RHOBTB3: variants seen among roughly 807,000 people sequenced by gnomAD.
RHOBTB3 encodes rho-related BTB domain-containing protein 3.
A neutral mutation model predicts 67.2 loss-of-function variants in RHOBTB3; 47 were observed. The observed-to-expected ratio is 0.70, with a 90% CI of 0.55 to 0.89. The LOEUF is 0.89. Among genes scored for constraint, RHOBTB3 ranks in the 40% least tolerant of loss-of-function variants. The pLI, the probability that RHOBTB3 is intolerant of heterozygous loss-of-function variation, is 0.00. For synonymous variants in RHOBTB3, 273 were observed against 274.2 expected (o/e 1.00, Z 0.04); for missense variants, 631 against 750.0 (o/e 0.84, Z 1.85).
In RHOBTB3 at chr5:95,795,899, G is replaced by A. The variant is rs1746549812; in HGVS notation, c.*2725G>A. 1 of 152,184 alleles carries A rather than the reference G, an allele frequency of 6.6e-6. No homozygotes were observed. Among genetic ancestry groups the A allele is most frequent in the Non-Finnish European group, 1.5e-5 (1 of 68,032 alleles). The allele number at this position is 152,184 out of a possible 1,614,324, so 9.4% of individuals were successfully genotyped here. A position where few individuals can be genotyped will look rare whatever the true frequency, so the allele number is the denominator to read the frequency against. On this transcript the variant is annotated 3_prime_UTR_variant, in exon 12 of 12. Transcript: ENST00000379982. ...ATATATTTCCCAGTCATTTTAATTA[G>A]AGAAGATACTCTATGGTAGAACTAA...
upstream of RHOBTB3, among the ~76,000 whole-genome samples, chr5:95,728,324 A>G (rs961856425): frequency 3.3e-5 from 5 of 152,196 alleles, no homozygotes; most frequent in African/African-American, 1.2e-4. Context: ...TGTTCCTAAG[A>G]CAAGCCATGA....
chr5:95,722,236 A>C (rs1051456840), intron 1 of RHOBTB3, among the ~76,000 whole-genome samples: 2 of 152,218 alleles, frequency 1.3e-5, no homozygotes, highest in Admixed American at 6.5e-5. Context: ...GAAGGCTTTT[A>C]GTACAGTTAA....
chr5:95,759,247 C>T (rs1466779294), intron 6 of RHOBTB3, among the ~76,000 whole-genome samples: 4 of 152,240 alleles, frequency 2.6e-5, no homozygotes, highest in Middle Eastern at 3.2e-3. Context: ...CGGCCAAAGC[C>T]GGAGGTGCTG....
At chr5:95,781,059 AC>A (rs1746032836) in intron 9 of RHOBTB3, among the ~76,000 whole-genome samples, 1 of 152,150 alleles carries the variant, frequency 6.6e-6, no homozygotes, top group Non-Finnish European at 1.5e-5. Context: ...CAGGAACCAA[AC>A]ATCTGTGACA....
chr5:95,750,599 T>C (rs34897), intron 4 of RHOBTB3, among the ~76,000 whole-genome samples: 61,293 of 152,166 alleles, frequency 0.4, 13,001 homozygotes, highest in East Asian at 0.72. Flanking sequence ...GCTAGGACTA[T>C]GCTCCCAAAT....
At chr5:95,725,808 C>CTT (rs201325391) in intron 1 of RHOBTB3, among the ~76,000 whole-genome samples, 24 of 139,830 alleles carry the variant, frequency 1.7e-4, no homozygotes, top group Admixed American at 8.5e-4. Flanking sequence ...TGGAATTCTT[C>CTT]TTTTTTTTTT....
At chr5:95,727,379 C>T (rs578117505), upstream of RHOBTB3, among the ~76,000 whole-genome samples, 1 of 152,296 alleles carries the variant, frequency 6.6e-6, no homozygotes, top group South Asian at 2.1e-4. Context: ...GGAACCAACA[C>T]GTTTTTCAAA....
intron 5 of RHOBTB3, 61 bp downstream of exon 5, chr5:95,752,411 A>T: frequency 9.3e-7 from 1 of 1,080,302 alleles, no homozygotes; most frequent in Non-Finnish European, 1.4e-6. Context: ...CCTTTCTCAC[A>T]GGTCTTAGAG....
intron 3 of RHOBTB3, among the ~76,000 whole-genome samples, chr5:95,745,315 A>G (rs1460353636): frequency 6.6e-6 from 1 of 152,226 alleles, no homozygotes; most frequent in East Asian, 1.9e-4. Context: ...CACATTTTTG[A>G]CAACTTTGAC....
At chr5:95,788,939 A>G (rs918881228) in intron 11 of RHOBTB3, 81 bp downstream of exon 11, 3 of 841,318 alleles carry the variant, frequency 3.6e-6, no homozygotes, top group Non-Finnish European at 5.5e-6. Context: ...TAGAAGTAGT[A>G]CTTTTAGCAA....
In RHOBTB3 at chr5:95,754,564, C is replaced by T. The variant is rs73777811; in HGVS notation, c.683-832C>T. Reference sequence around the variant, plus strand: ...TGCATACCCTTCAAACAACCCTTCACAAATGTCACTTTCCTCAGCTCCTCT... The same window carrying T: ...TGCATACCCTTCAAACAACCCTTCATAAATGTCACTTTCCTCAGCTCCTCT... On this transcript the variant is annotated intron_variant, in intron 5 of 11. Coordinates refer to ENST00000379982, the MANE Select transcript of RHOBTB3 (RefSeq NM_014899.4). Among the ~76,000 whole-genome samples, 577 of 152,274 alleles carry T rather than the reference C, an allele frequency of 3.8e-3. 4 individuals are homozygous for T. Among genetic ancestry groups the T allele is most frequent in the African/African-American group, 0.013 (526 of 41,548 alleles).
chr5:95,719,870 G>A (rs1754813096), intron 1 of RHOBTB3: 1 of 152,184 alleles, frequency 6.6e-6, no homozygotes, highest in Non-Finnish European at 1.5e-5. Flanking sequence ...TGATAACTCG[G>A]TGTTGGTATA....
intron 1 of RHOBTB3, among the ~76,000 whole-genome samples, chr5:95,721,047 C>G (rs185579850): frequency 6.6e-6 from 1 of 152,102 alleles, no homozygotes. Flanking sequence ...TAATTTTACC[C>G]GGTGGTAATT....
At chr5:95,749,925 T>C (rs1745040306) in intron 4 of RHOBTB3, among the ~76,000 whole-genome samples, 1 of 152,208 alleles carries the variant, frequency 6.6e-6, no homozygotes, top group Non-Finnish European at 1.5e-5. Flanking sequence ...TTTTTTCTCT[T>C]TCTTCCTAAT....
chr5:95,724,609 G>C (rs1014607113), intron 1 of RHOBTB3, among the ~76,000 whole-genome samples: 1 of 152,262 alleles, frequency 6.6e-6, no homozygotes, highest in Admixed American at 6.5e-5. Context: ...GGGATTACAA[G>C]CTCCCACCAC....
chr5:95,718,851 G>A (rs1415574746), intron 1 of RHOBTB3, among the ~76,000 whole-genome samples: 1 of 152,172 alleles, frequency 6.6e-6, no homozygotes, highest in Non-Finnish European at 1.5e-5. Context: ...GAAAGCAGGA[G>A]GATCAAGAGT....
intron 9 of RHOBTB3, among the ~76,000 whole-genome samples, chr5:95,780,716 T>C (rs572232225): frequency 6.6e-6 from 1 of 152,246 alleles, no homozygotes; most frequent in Non-Finnish European, 1.5e-5. Context: ...AATGGAGGTG[T>C]CTTGTGGTAC....
At chr5:95,774,820 G>A (rs1745820365) in intron 8 of RHOBTB3, among the ~76,000 whole-genome samples, 1 of 152,104 alleles carries the variant, frequency 6.6e-6, no homozygotes, top group Non-Finnish European at 1.5e-5. Flanking sequence ...GAATCAAGAA[G>A]TTCAGACTGT....
chr5:95,786,422 T>G (rs1256284414), intron 10 of RHOBTB3, among the ~76,000 whole-genome samples: 1 of 152,200 alleles, frequency 6.6e-6, no homozygotes, highest in East Asian at 1.9e-4. Context: ...GGGTATTCTC[T>G]CACTTCTCTG....
Sources: allele counts gnomAD v4.1 joint callset (sites outside exome capture counted in the v4.1 genomes callset), GRCh38; gene constraint gnomAD v4.1.1; transcripts MANE v1.5; gene names NCBI Gene and HGNC (gene_info 2026-07-23, HGNC 2026-07-21).